Variants in ESYT3 observed in about 807,000 individuals in gnomAD.
ESYT3 encodes the protein extended synaptotagmin 3.
In ESYT3, 101 loss-of-function variants were observed where a neutral mutation model predicts 111.5. The ratio of observed to expected loss-of-function variants is 0.91; its 90% CI spans 0.77 to 1.07. The LOEUF (loss-of-function observed/expected upper bound fraction) is 1.07, where lower values mean the gene tolerates loss of function less well. ESYT3 is among the 50% of genes least tolerant of loss of function. The pLI, the probability that ESYT3 is intolerant of heterozygous loss-of-function variation, is 0.00. For synonymous variants in ESYT3, 416 were observed against 446.8 expected (o/e 0.93, Z 0.87); for missense variants, 1,097 against 1,109.4 (o/e 0.99, Z 0.16).
At position 138,434,767 on chromosome 3, in the gene ESYT3, G is replaced by A. The variant is rs2030484343; in HGVS notation, c.-32G>A. 2 of 1,496,792 alleles carry A rather than the reference G, an allele frequency of 1.3e-6. No individual in the cohort carries two copies. The highest frequency in any genetic ancestry group is 4.5e-5 in the Admixed American group (2 of 44,706). The allele number at this position is 1,496,792 out of a possible 1,614,324, so 92.7% of individuals were successfully genotyped here. A position where few individuals can be genotyped will look rare whatever the true frequency, so the allele number is the denominator to read the frequency against. On this transcript the variant is annotated 5_prime_UTR_variant, in exon 1 of 23. Coordinates refer to ENST00000389567, the MANE Select transcript of ESYT3 (RefSeq NM_031913.5). ...GCATGCGGACCTAAGCTCGGGTGAA[G>A]CTCTCGGGAAGGGCAAGACTGCGGC...
In ESYT3 at chr3:138,473,708, A is replaced by G. The variant is rs979796013; in HGVS notation, c.2336+74A>G. Reference sequence around the variant, plus strand: ...CATAAATCAGAGTAGGGACACTCAGAGCAATGAAAAGGGCACATAGTCCCA... The same window carrying G: ...CATAAATCAGAGTAGGGACACTCAGGGCAATGAAAAGGGCACATAGTCCCA... On this transcript the variant is annotated intron_variant, in intron 19 of 22. Transcript: ENST00000389567. 40 of 1,252,702 alleles carry G rather than the reference A, an allele frequency of 3.2e-5. No homozygotes were observed. The African/African-American group carries it at 5.5e-4, about 17-fold the overall frequency. 77.6% of individuals were successfully genotyped at this position (1,252,702 alleles called of 1,614,324 possible).
At chr3:138,448,293 A>T (rs994465135) in intron 1 of ESYT3, among the ~76,000 whole-genome samples, 1 of 146,468 alleles carries the variant, frequency 6.8e-6, no homozygotes, top group Admixed American at 6.8e-5. Context: ...AAAAAAAAAA[A>T]TGCAGGGGAG....
intron 18 of ESYT3, 41 bp from the exon 19 acceptor site, chr3:138,473,495 G>A: frequency 1.3e-6 from 2 of 1,575,452 alleles, no homozygotes; most frequent in Non-Finnish European, 1.7e-6. Context: ...GAGGGCCAAT[G>A]CTTGTTATGG....
At chr3:138,462,389 ACTTGGG>A in intron 8 of ESYT3, 183 bp downstream of exon 8, 1 of 771,144 alleles carries the variant, frequency 1.3e-6, no homozygotes, top group Non-Finnish European at 2.0e-6. Flanking sequence ...GGTGTATCCC[ACTTGGG>A]AGGTAGTGTC....
intron 2 of ESYT3, among the ~76,000 whole-genome samples, chr3:138,452,333 A>G (rs1280884983): frequency 3.3e-5 from 5 of 152,170 alleles, no homozygotes; most frequent in Admixed American, 3.3e-4. Flanking sequence ...GAAAAGTACA[A>G]TCCCCACTAG....
intron 1 of ESYT3, among the ~76,000 whole-genome samples, chr3:138,444,843 AGT>A (rs1160053918): frequency 1.2e-4 from 18 of 152,324 alleles, no homozygotes; most frequent in Non-Finnish European, 2.1e-4. Context: ...GTGACACAGC[AGT>A]GTTCTCCTAG....
In ESYT3 at chr3:138,435,341, G is replaced by A. The variant is rs1200782259; in HGVS notation, c.327+216G>A. ...GCACCCTCACGTCCACCTCTGGTCC[G>A]ACTGCGGTGGGAGTGGGGAACTTGG... is the stretch of plus-strand genomic sequence containing the variant. On this transcript the variant is annotated intron_variant, in intron 1 of 22. Transcript: ENST00000389567. This position sits in a 1 kb window ranked among gnomAD's most constrained non-coding sequence, Gnocchi z 4.8. 6.6e-6 allele frequency among the ~76,000 whole-genome samples: 1 copy of A among 152,166 alleles called. No homozygotes were observed. The highest frequency in any genetic ancestry group is 2.4e-5 in the African/African-American group (1 of 41,440).
chr3:138,449,341 C>T (rs1207425526), intron 1 of ESYT3, among the ~76,000 whole-genome samples: 1 of 152,054 alleles, frequency 6.6e-6, no homozygotes, highest in African/African-American at 2.4e-5. Flanking sequence ...CTGCCTCGGC[C>T]TCCCAAAGCG....
At chr3:138,439,221 C>T (rs573458073) in intron 1 of ESYT3, among the ~76,000 whole-genome samples, 1 of 152,228 alleles carries the variant, frequency 6.6e-6, no homozygotes, top group African/African-American at 2.4e-5. Flanking sequence ...TCCTCTGTTT[C>T]CCGGGCTTCC....
Position 138,472,763 on chromosome 3 carries a change from T to G in ESYT3, c.2141T>G (p.Phe714Cys), listed in dbSNP as rs775726675. 1 of 1,614,176 alleles carries G rather than the reference T, an allele frequency of 6.2e-7. No individual in the cohort carries two copies. Among genetic ancestry groups the G allele is most frequent in the African/African-American group, 1.3e-5 (1 of 75,044 alleles). The change falls in exon 18 of 23, where the codon TTC (phenylalanine) becomes TGC (cysteine). Residue 714 changes from phenylalanine (F) to cysteine (C), a missense_variant. Physicochemically the swap from Phe to Cys is radical, Grantham distance 205. Transcript: ENST00000389567. Reference sequence around the variant, plus strand: ...CCCATGAAATGCCCTGCCTCCCCATTCGCATGGCCGCCCAAGAGGCTGGCT... The same window carrying G: ...CCCATGAAATGCCCTGCCTCCCCATGCGCATGGCCGCCCAAGAGGCTGGCT... ...PRPMKCPASP[F>C]AWPPKRLAPS...
chr3:138,461,966 G>C, intron 7 of ESYT3, 120 bp from the exon 8 acceptor site: 1 of 1,466,742 alleles, frequency 6.8e-7, no homozygotes, highest in Non-Finnish European at 9.4e-7. Context: ...GGTCAGGGCT[G>C]TTCTCTAGGT....
chr3:138,440,437 A>C lies in ESYT3; in HGVS notation c.327+5312A>C, dbSNP rs1396596035. 6.6e-6 allele frequency among the ~76,000 whole-genome samples: 1 copy of C among 152,186 alleles called. No homozygotes were observed. The stretch of plus-strand genomic sequence containing the variant: ...CTCAGGGTCTGTCCTGAGATACTTC[A>C]GTTAATTAGAGGAAGTAAATGCAGT... On this transcript the variant is annotated intron_variant, in intron 1 of 22. Transcript: ENST00000389567. The surrounding 1 kb of genome is among the most constrained non-coding windows in gnomAD (Gnocchi z 4.2).
intron 4 of ESYT3, 119 bp downstream of exon 4, chr3:138,457,763 A>T: frequency 1.1e-6 from 1 of 930,668 alleles, no homozygotes; most frequent in Admixed American, 2.0e-5. Flanking sequence ...CCCTCACAGG[A>T]CCCTCCCCTC....
chr3:138,470,261 C>CT, intron 16 of ESYT3, 115 bp downstream of exon 16: 1 of 1,419,112 alleles, frequency 7.0e-7, no homozygotes, highest in African/African-American at 1.4e-5. Flanking sequence ...AAGTCAGCCC[C>CT]TTGTATGTAA....
chr3:138,457,197 G>C (rs1158482371), intron 3 of ESYT3, among the ~76,000 whole-genome samples: 3 of 152,210 alleles, frequency 2.0e-5, no homozygotes, highest in Non-Finnish European at 4.4e-5. Flanking sequence ...GCTTCCTCCA[G>C]TTCCTGTGCC....
chr3:138,454,119 A>G (rs1322367198), intron 2 of ESYT3, among the ~76,000 whole-genome samples: 3 of 152,232 alleles, frequency 2.0e-5, no homozygotes, highest in Admixed American at 2.0e-4. Context: ...GTGGTGGTGC[A>G]CGCATGTAGT....
intron 1 of ESYT3, among the ~76,000 whole-genome samples, chr3:138,439,284 T>C (rs2030961288): frequency 6.6e-6 from 1 of 152,156 alleles, no homozygotes; most frequent in South Asian, 2.1e-4. Flanking sequence ...AGTGGTAAGC[T>C]CGTCTTTCCA....
chr3:138,440,143 C>T lies in ESYT3; in HGVS notation c.327+5018C>T, dbSNP rs1190464998. On this transcript the variant is annotated intron_variant, in intron 1 of 22. Transcript: ENST00000389567. The surrounding 1 kb of genome is among the most constrained non-coding windows in gnomAD (Gnocchi z 4.2). Reference sequence around the variant, plus strand: ...TGGTGACACATACCCCACAGGACCCCACTCGCTGCCTTTCATGCCTGTCCC... The same window carrying T: ...TGGTGACACATACCCCACAGGACCCTACTCGCTGCCTTTCATGCCTGTCCC... 2.0e-5 allele frequency among the ~76,000 whole-genome samples: 3 copies of T among 152,242 alleles called. No homozygotes were observed. The highest frequency in any genetic ancestry group is 4.4e-5 in the Non-Finnish European group (3 of 68,040).
chr3:138,457,998 G>A (rs1380489539), intron 4 of ESYT3, among the ~76,000 whole-genome samples: 3 of 152,118 alleles, frequency 2.0e-5, no homozygotes, highest in South Asian at 2.1e-4. Context: ...TGGGCTCTGC[G>A]GCACCTCAGG....
Sources: gnomAD v4.1 joint callset for allele counts (sites outside exome capture counted in the v4.1 genomes callset) on GRCh38, gnomAD v4.1.1 for gene constraint, Gnocchi (gnomAD v3.1) non-coding constraint, MANE v1.5 for transcripts, NCBI Gene and HGNC (gene_info 2026-07-23, HGNC 2026-07-21) for gene names.